LLGL1: variants seen among roughly 807,000 people sequenced by gnomAD.
LLGL1 encodes LLGL scribble cell polarity complex component 1.
LLGL1 carries 58 observed loss-of-function variants against 110.6 expected under a neutral mutation model. That is an observed-to-expected ratio of 0.52 (90% CI 0.42 to 0.65). The LOEUF (loss-of-function observed/expected upper bound fraction) is 0.65. LLGL1 is among the 30% of genes least tolerant of loss of function. The pLI is 0.00. For synonymous variants in LLGL1, 674 were observed against 607.2 expected (o/e 1.11, Z -1.62); for missense variants, 1,229 against 1,462.1 (o/e 0.84, Z 2.60).
At chr17:18,232,899 C>T (rs997932717) in intron 4 of LLGL1, 97 bp downstream of exon 4, 10 of 1,493,988 alleles carry the variant, frequency 6.7e-6, no homozygotes, top group Admixed American at 5.2e-5. Context: ...AGATGGGCAG[C>T]GGTTCAGGGC....
chr17:18,227,542 ATGCCCG>A (rs2047473759), intron 1 of LLGL1, among the ~76,000 whole-genome samples: 1 of 152,102 alleles, frequency 6.6e-6, no homozygotes, highest in Non-Finnish European at 1.5e-5. Flanking sequence ...TCGTGTCACC[ATGCCCG>A]GCTAGTTTTT....
chr17:18,237,058 G>A (rs1215412973), intron 13 of LLGL1, 119 bp downstream of exon 13: 4 of 879,496 alleles, frequency 4.5e-6, no homozygotes, highest in Non-Finnish European at 7.1e-6. Context: ...GGTGGGAATA[G>A]GGCTCTGGGT....
At chr17:18,234,738 G>A (rs2047651218) in intron 8 of LLGL1, 35 bp downstream of exon 8, 1 of 1,613,948 alleles carries the variant, frequency 6.2e-7, no homozygotes, top group Non-Finnish European at 8.5e-7. Flanking sequence ...ATGTGAGTTG[G>A]GTCTGGCTAG....
At chr17:18,230,214 T>G (rs1464469092) in intron 2 of LLGL1, among the ~76,000 whole-genome samples, 176 bp downstream of exon 2, 1 of 152,132 alleles carries the variant, frequency 6.6e-6, no homozygotes, top group Admixed American at 6.6e-5. Flanking sequence ...CTGAGACAAC[T>G]GTGCAGAGAT....
At chr17:18,237,355 G>A in intron 13 of LLGL1, 126 bp from the exon 14 acceptor site, 1 of 901,540 alleles carries the variant, frequency 1.1e-6, no homozygotes, top group African/African-American at 1.7e-5. Flanking sequence ...TTTAGCTGAT[G>A]AACTGAAGAC....
At chr17:18,232,897 A>C (rs2142583642) in intron 4 of LLGL1, 95 bp downstream of exon 4, 2 of 1,533,930 alleles carry the variant, frequency 1.3e-6, no homozygotes, top group East Asian at 4.5e-5. Flanking sequence ...GGAGATGGGC[A>C]GCGGTTCAGG....
At chr17:18,232,026 C>T (rs1462496553) in intron 2 of LLGL1, among the ~76,000 whole-genome samples, 1 of 152,226 alleles carries the variant, frequency 6.6e-6, no homozygotes, top group African/African-American at 2.4e-5. Context: ...CTGGACTCTT[C>T]TGCCCCCTGG....
At chr17:18,238,317 C>T in intron 15 of LLGL1, 103 bp downstream of exon 15, 16 of 1,578,986 alleles carry the variant, frequency 1.0e-5, no homozygotes, top group Admixed American at 1.7e-5. Context: ...GCTCCTCCCT[C>T]GGCAGCCCCT....
chr17:18,238,530 C>T lies in LLGL1; in HGVS notation c.2127C>T (p.Arg709=), dbSNP rs1338631345. 6.2e-7 allele frequency: 1 copy of T among 1,612,974 alleles called. No individual in the cohort carries two copies. The highest frequency in any genetic ancestry group is 2.2e-5 in the East Asian group (1 of 44,888). ...HDVEMTPVQR[R]IEPRSADDSL... is the part of the protein sequence containing the mutation. ...TGGAGATGACGCCCGTGCAGCGCCG[C>T]ATTGAGCCCCGCTCTGCCGATGACT... Residue 709 remains arginine (R), a synonymous_variant, in exon 16 of 23, where the codon CGC becomes CGT. Transcript: ENST00000316843.
Position 18,233,939 on chromosome 17 carries a change from A to G in LLGL1, c.551+3A>G. The G allele has an allele frequency of 6.2e-7, 1 of 1,610,828 alleles. No individual in the cohort carries two copies. The highest frequency in any genetic ancestry group is 8.5e-7 in the Non-Finnish European group (1 of 1,179,008). On this transcript the variant is annotated splice_donor_region_variant and intron_variant, in intron 5 of 22. Coordinates refer to ENST00000316843, the MANE Select transcript of LLGL1 (RefSeq NM_004140.4). ...GCCCCAGGCGAGGTTCTGCGCAGGT[A>G]AGAGGCCGGTGGGCTTCCCAGCACC...
In LLGL1 at chr17:18,241,437, C is replaced by T. The variant is rs1234955866; in HGVS notation, c.2503-14C>T. On this transcript the variant is annotated splice_polypyrimidine_tract_variant and intron_variant, in intron 17 of 22. Coordinates refer to ENST00000316843, the MANE Select transcript of LLGL1 (RefSeq NM_004140.4). Reference sequence around the variant, plus strand: ...CAGGGCCAGGCTTTGTGCTCACCAGCCACCTGCTGTCAGGTGTTCACACTG... The same window carrying T: ...CAGGGCCAGGCTTTGTGCTCACCAGTCACCTGCTGTCAGGTGTTCACACTG... The T allele has an allele frequency of 1.2e-6, 2 of 1,606,932 alleles. No homozygotes were observed. Among genetic ancestry groups the T allele is most frequent in the South Asian group, 2.2e-5 (2 of 90,882 alleles).
At position 18,234,014 on chromosome 17, in the gene LLGL1, G is replaced by T; in HGVS notation, c.553G>T (p.Val185Leu). Residue 185 changes from valine to leucine, a missense_variant and splice_region_variant, in exon 6 of 23, where the codon GTG (valine) becomes TTG (leucine). By Grantham distance (32) the Val-to-Leu change is conservative. Transcript: ENST00000316843. Reference sequence around the variant, plus strand: ...TGGCTCACCTGCCTTCCTCCACAGCGTGCCAGACGACTACCGCTGTGGGAA... The same window carrying T: ...TGGCTCACCTGCCTTCCTCCACAGCTTGCCAGACGACTACCGCTGTGGGAA... Reference protein sequence around the residue: ...TLAPGEVLRSVPDDYRCGKAL... With the variant: ...TLAPGEVLRSLPDDYRCGKAL... The T allele has an allele frequency of 6.3e-7, 1 of 1,593,580 alleles. No individual in the cohort carries two copies. The highest frequency in any genetic ancestry group is 1.1e-5 in the South Asian group (1 of 89,366).
chr17:18,238,729 G>A (rs750459061), intron 16 of LLGL1, 120 bp downstream of exon 16: 3 of 1,016,226 alleles, frequency 3.0e-6, no homozygotes, highest in Non-Finnish European at 4.4e-6. Flanking sequence ...GGAGGTGGCT[G>A]GGCACGGTGG....
At position 18,236,892 on chromosome 17, in the gene LLGL1, C is replaced by T. The variant is rs1347642646; in HGVS notation, c.1564C>T (p.Leu522Phe). ...DPRLGVQKVA[L>F]CKYTAQMVVA... ...CCGGCTTGGCGTGCAGAAGGTTGCT[C>T]TCTGCAAGTATACAGCCCAGATGGT... The change falls in exon 13 of 23, where the codon CTC becomes TTC. Residue 522 changes from leucine (L) to phenylalanine (F), a missense_variant. Coordinates refer to ENST00000316843, the MANE Select transcript of LLGL1 (RefSeq NM_004140.4). 6.2e-7 allele frequency: 1 copy of T among 1,613,740 alleles called. No homozygotes were observed. Among genetic ancestry groups the T allele is most frequent in the African/African-American group, 1.3e-5 (1 of 74,926 alleles).
intron 13 of LLGL1, 126 bp downstream of exon 13, chr17:18,237,065 G>C: frequency 1.2e-6 from 1 of 811,802 alleles, no homozygotes; most frequent in Non-Finnish European, 2.0e-6. Flanking sequence ...ATAGGGCTCT[G>C]GGTGGGGCTG....
At chr17:18,242,125 G>A (rs551442243) in intron 19 of LLGL1, 41 bp from the exon 20 acceptor site, 6 of 1,577,924 alleles carry the variant, frequency 3.8e-6, no homozygotes, top group Non-Finnish European at 5.2e-6. Flanking sequence ...CCAGCCTCAA[G>A]TCATCCACCT....
In LLGL1 at chr17:18,244,870, C is replaced by T. The variant is rs1025277009; in HGVS notation, c.*964C>T. On this transcript the variant is annotated 3_prime_UTR_variant, in exon 23 of 23. Transcript: ENST00000316843. ...TTGAAAATAAAAGCATTTAATATCT[C>T]TTAAAGGGCATCCACATCTGCTTTA... The T allele has an allele frequency of 1.5e-4, 67 of 448,534 alleles. No individual in the cohort carries two copies. The highest frequency in any genetic ancestry group is 2.5e-4 in the Non-Finnish European group (63 of 253,500). The allele number at this position is 448,534 out of a possible 1,614,324, so 27.8% of individuals were successfully genotyped here.
rs1420033864 is a variant in LLGL1 at position 18,238,077 on chromosome 17, C to G, written c.1915C>G (p.His639Asp). Residue 639 changes from histidine (H) to aspartate (D), a missense_variant, in exon 15 of 23, where the codon CAC becomes GAC. Coordinates refer to ENST00000316843, the MANE Select transcript of LLGL1 (RefSeq NM_004140.4). Reference sequence around the variant, plus strand: ...CCTGTCTTCCCCCAGGTGCACTCTTCACCCCAATGACTCCCTGGCCATGGA... The same window carrying G: ...CCTGTCTTCCCCCAGGTGCACTCTTGACCCCAATGACTCCCTGGCCATGGA... Reference protein sequence around the residue: ...KSPVLARCTLHPNDSLAMEGP... With the variant: ...KSPVLARCTLDPNDSLAMEGP... The G allele has an allele frequency of 6.2e-7, 1 of 1,613,748 alleles. No individual in the cohort carries two copies. The highest frequency in any genetic ancestry group is 8.5e-7 in the Non-Finnish European group (1 of 1,179,982).
At position 18,238,447 on chromosome 17, in the gene LLGL1, G is replaced by A. The variant is rs370843846; in HGVS notation, c.2053-9G>A. Reference sequence around the variant, plus strand: ...AGGGAGACAGTGTTCAGGAGCCCCCGCCCGGCAGTTGCAGGAAGCCAATGC... The same window carrying A: ...AGGGAGACAGTGTTCAGGAGCCCCCACCCGGCAGTTGCAGGAAGCCAATGC... On this transcript the variant is annotated splice_polypyrimidine_tract_variant and intron_variant, in intron 15 of 22. Transcript: ENST00000316843. 2.2e-5 allele frequency: 36 copies of A among 1,603,150 alleles called. No homozygotes were observed. Among genetic ancestry groups the A allele is most frequent in the East Asian group, 8.9e-5 (4 of 44,726 alleles).
Sources: allele counts gnomAD v4.1 joint callset (sites outside exome capture counted in the v4.1 genomes callset), GRCh38; gene constraint gnomAD v4.1.1; transcripts MANE v1.5; gene names NCBI Gene and HGNC (gene_info 2026-07-23, HGNC 2026-07-21).